The following NAA11 variants were observed in gnomAD, a reference collection of about 807,000 sequenced individuals.
NAA11 encodes the protein N-alpha-acetyltransferase 11, NatA catalytic subunit, also known as N-alpha-acetyltransferase 11.
NAA11 carries 15 observed loss-of-function variants against 16.1 expected under a neutral mutation model. The observed-to-expected ratio is 0.93, with a 90% confidence interval of 0.62 to 1.44. The LOEUF (loss-of-function observed/expected upper bound fraction) is 1.44, where lower values mean the gene tolerates loss of function less well. Ranked by LOEUF, NAA11 falls within the 40% of genes most tolerant of loss-of-function variation. The pLI is 0.00. For missense variants in NAA11, 298 were observed against 291.3 expected (o/e 1.02, Z -0.17); for synonymous variants, 122 against 112.4 (o/e 1.09, Z -0.54).
chr4:79,319,422 G>A (rs1264541983), intron 1 of NAA11, among the ~76,000 whole-genome samples: 1 of 152,116 alleles, frequency 6.6e-6, no homozygotes, highest in Non-Finnish European at 1.5e-5. Context: ...AAATGGCATT[G>A]TAGAATATTT....
At chr4:79,218,665 A>T in the NAA11 span, among the ~76,000 whole-genome samples, 10 of 152,040 alleles carry the variant, frequency 6.6e-5, no homozygotes, top group African/African-American at 2.4e-4. Context: ...CTATTTTTTA[A>T]TATTTTAATG....
rs138750739 is a variant in NAA11 at position 79,321,093 on chromosome 4, C to T, written c.*13-3302G>A. On this transcript the variant is annotated intron_variant, in intron 1 of 1. Transcript: ENST00000286794. ...GATAACAGAATCCCATAGTTTTCCA[C>T]GCCCAAGTTTGTGAAGCAGCAGAAT... 5.9e-5 allele frequency among the ~76,000 whole-genome samples: 9 copies of T among 152,278 alleles called. No individual in the cohort carries two copies. The East Asian group carries it at 9.7e-4, about 16-fold the overall frequency.
chr4:79,319,224 A>G (rs1392799668), intron 1 of NAA11, among the ~76,000 whole-genome samples: 2 of 152,100 alleles, frequency 1.3e-5, no homozygotes, highest in African/African-American at 4.8e-5. Context: ...CGCTGTGCCC[A>G]CCCCAAGCCC....
intron 2 of NAA11, among the ~76,000 whole-genome samples, chr4:79,281,922 A>T (rs1722801869): frequency 6.6e-6 from 1 of 152,178 alleles, no homozygotes; most frequent in Admixed American, 6.5e-5. Context: ...AGGTTGGACA[A>T]GCTCTAGACC....
chr4:79,288,982 T>C (rs1229798854), intron 2 of NAA11, among the ~76,000 whole-genome samples: 4 of 152,234 alleles, frequency 2.6e-5, no homozygotes, highest in Admixed American at 2.6e-4. Flanking sequence ...TTTTGATGGC[T>C]ACATAACATT....
chr4:79,168,834 T>C, the NAA11 span, among the ~76,000 whole-genome samples: 1 of 152,192 alleles, frequency 6.6e-6, no homozygotes, highest in African/African-American at 2.4e-5. Context: ...CTGTTCACTC[T>C]GATGATAGTT....
chr4:79,166,373 G>A, the NAA11 span, among the ~76,000 whole-genome samples: 1 of 151,614 alleles, frequency 6.6e-6, no homozygotes, highest in African/African-American at 2.4e-5. Flanking sequence ...TTTTTAAGAG[G>A]CAGGGTTTTA....
At chr4:79,248,807 G>A (rs1023262610) in intron 2 of NAA11, among the ~76,000 whole-genome samples, 2 of 152,094 alleles carry the variant, frequency 1.3e-5, no homozygotes, top group Non-Finnish European at 2.9e-5. Flanking sequence ...GTGAACACCC[G>A]CAGGAGACTG....
intron 2 of NAA11, among the ~76,000 whole-genome samples, chr4:79,259,757 C>T (rs1340562468): frequency 6.6e-6 from 1 of 152,204 alleles, no homozygotes; most frequent in East Asian, 1.9e-4. Flanking sequence ...TTTCCCCTTT[C>T]TCATAGTTAG....
chr4:79,228,397 A>T (rs933545858), intron 2 of NAA11, among the ~76,000 whole-genome samples: 1 of 151,964 alleles, frequency 6.6e-6, no homozygotes, highest in Non-Finnish European at 1.5e-5. Context: ...GCACAGTTCT[A>T]TTTGTTTTGA....
intron 2 of NAA11, among the ~76,000 whole-genome samples, chr4:79,289,271 ACT>A (rs1343584492): frequency 2.0e-5 from 3 of 152,164 alleles, no homozygotes; most frequent in African/African-American, 7.2e-5. Context: ...CTTCTACATG[ACT>A]CTGATATCAT....
At chr4:79,264,500 T>A (rs926442802) in intron 2 of NAA11, among the ~76,000 whole-genome samples, 1 of 152,190 alleles carries the variant, frequency 6.6e-6, no homozygotes, top group Non-Finnish European at 1.5e-5. Context: ...ATTCTCACTG[T>A]CTTTCACATA....
At chr4:79,224,739 TG>T (rs1172221703), downstream of NAA11, among the ~76,000 whole-genome samples, 1 of 151,960 alleles carries the variant, frequency 6.6e-6, no homozygotes, top group Non-Finnish European at 1.5e-5. Context: ...AGATGAAGAA[TG>T]GGACAAAATA....
chr4:79,237,223 G>A (rs1448269401), intron 2 of NAA11, among the ~76,000 whole-genome samples: 5 of 152,130 alleles, frequency 3.3e-5, no homozygotes, highest in Admixed American at 3.3e-4. Context: ...CCAACATGAG[G>A]TTTCTGGTGA....
At chr4:79,223,342 G>A (rs561030890), downstream of NAA11, among the ~76,000 whole-genome samples, 158 of 149,838 alleles carry the variant, frequency 1.1e-3, no homozygotes, top group Middle Eastern at 3.4e-3. Context: ...CATGTCCTTT[G>A]TAGGGACATG....
the NAA11 span, among the ~76,000 whole-genome samples, chr4:79,215,849 C>T: frequency 6.6e-6 from 1 of 152,090 alleles, no homozygotes; most frequent in African/African-American, 2.4e-5. Context: ...TGAATACATA[C>T]AAATTAGAAA....
chr4:79,184,582 G>C, the NAA11 span, among the ~76,000 whole-genome samples: 2 of 152,242 alleles, frequency 1.3e-5, no homozygotes, highest in African/African-American at 4.8e-5. Flanking sequence ...GCTAGGTAGA[G>C]GTTGTTTTCT....
chr4:79,156,708 C>G, the NAA11 span, among the ~76,000 whole-genome samples: 1 of 152,186 alleles, frequency 6.6e-6, no homozygotes, highest in Non-Finnish European at 1.5e-5. Context: ...GTGGACCAGA[C>G]AGCTTGACGT....
At chr4:79,250,122 A>G (rs929136884) in intron 2 of NAA11, among the ~76,000 whole-genome samples, 3 of 152,238 alleles carry the variant, frequency 2.0e-5, no homozygotes, top group Non-Finnish European at 4.4e-5. Context: ...GATCTTTGCA[A>G]TCCACCCGCT....
Sources: gnomAD v4.1 joint callset for allele counts (sites outside exome capture counted in the v4.1 genomes callset) on GRCh38, gnomAD v4.1.1 for gene constraint, MANE v1.5 for transcripts, NCBI Gene and HGNC (gene_info 2026-07-23, HGNC 2026-07-21) for gene names.